SHLD2: variants seen among roughly 807,000 people sequenced by gnomAD.
The protein encoded by SHLD2 is shieldin complex subunit 2.
SHLD2 carries 30 observed loss-of-function variants against 73.2 expected under a neutral mutation model. That is an observed-to-expected ratio of 0.41 (90% confidence interval 0.31 to 0.56). SHLD2 has a LOEUF of 0.56. Ranked by LOEUF, SHLD2 falls within the 20% of genes least tolerant of loss-of-function variation. SHLD2 has a pLI of 0.28. For missense variants in SHLD2, 745 were observed against 1,055.9 expected (o/e 0.71, Z 4.08); for synonymous variants, 285 against 370.1 (o/e 0.77, Z 2.64).
chr10:87,179,837 G>A (rs1848195140), intron 7 of SHLD2, among the ~76,000 whole-genome samples: 2 of 152,268 alleles, frequency 1.3e-5, no homozygotes. Context: ...CCAGAGGATG[G>A]GGAAGGAAGG....
chr10:87,170,813 A>G, intron 5 of SHLD2, 27 bp from the exon 6 acceptor site: 1 of 1,612,502 alleles, frequency 6.2e-7, no homozygotes, highest in Admixed American at 1.7e-5. Flanking sequence ...AGTAATGCCA[A>G]CTAAGGTACT....
intron 2 of SHLD2, among the ~76,000 whole-genome samples, chr10:87,111,712 A>G (rs1460890011): frequency 6.7e-6 from 1 of 150,296 alleles, no homozygotes; most frequent in Non-Finnish European, 1.5e-5. Context: ...TCCTGGGCTC[A>G]AGCAACCTGC....
At chr10:87,182,422 T>A (rs1181767894) in intron 8 of SHLD2, among the ~76,000 whole-genome samples, 1 of 152,204 alleles carries the variant, frequency 6.6e-6, no homozygotes, top group African/African-American at 2.4e-5. Flanking sequence ...GATCATATTT[T>A]ACATTGGTTG....
chr10:87,110,025 T>A (rs978587325), intron 2 of SHLD2, among the ~76,000 whole-genome samples: 1 of 152,186 alleles, frequency 6.6e-6, no homozygotes, highest in Non-Finnish European at 1.5e-5. Context: ...CAGAGCCTCA[T>A]GCCTGTAATC....
intron 9 of SHLD2, among the ~76,000 whole-genome samples, chr10:87,189,375 T>A (rs1002887362): frequency 6.6e-6 from 1 of 152,274 alleles, no homozygotes; most frequent in African/African-American, 2.4e-5. Context: ...CACATATACT[T>A]CAGTGTTTTG....
intron 2 of SHLD2, among the ~76,000 whole-genome samples, chr10:87,115,739 G>C (rs7392886): frequency 0.034 from 5,123 of 152,210 alleles, 226 homozygotes; most frequent in Admixed American, 0.11. Flanking sequence ...TTCTAAGCTA[G>C]TGATAAAAAT....
intron 2 of SHLD2, among the ~76,000 whole-genome samples, chr10:87,126,154 C>A (rs895563092): frequency 3.3e-4 from 51 of 152,314 alleles, no homozygotes; most frequent in African/African-American, 1.1e-3. Context: ...TCATGGCTCA[C>A]TGCAGCCTTG....
Position 87,170,755 on chromosome 10 carries a change from A to G in SHLD2, c.1828+83A>G, listed in dbSNP as rs529741326. ...CATCTTAGTGTACCATTTGGTTATC[A>G]CTATATATGTATCATCAGCTATTAA... is the stretch of plus-strand genomic sequence containing the variant. On this transcript the variant is annotated intron_variant, in intron 5 of 9. Transcript: ENST00000298786. The G allele has an allele frequency of 3.9e-6, 6 of 1,550,134 alleles. No individual in the cohort carries two copies. In the East Asian group the frequency reaches 6.7e-5, roughly 17 times the overall value.
intron 8 of SHLD2, among the ~76,000 whole-genome samples, chr10:87,184,937 C>G (rs1225250137): frequency 1.3e-5 from 2 of 152,096 alleles, no homozygotes; most frequent in Non-Finnish European, 2.9e-5. Flanking sequence ...AATTCATATA[C>G]CATCAAATTA....
At chr10:87,108,419 C>G (rs1346367522) in intron 2 of SHLD2, among the ~76,000 whole-genome samples, 1 of 152,106 alleles carries the variant, frequency 6.6e-6, no homozygotes, top group East Asian at 1.9e-4. Flanking sequence ...CCCCTAACCT[C>G]AAGTGATCCA....
intron 8 of SHLD2, among the ~76,000 whole-genome samples, chr10:87,185,857 T>A: frequency 6.6e-6 from 1 of 152,190 alleles, no homozygotes; most frequent in Non-Finnish European, 1.5e-5. Flanking sequence ...GGCACCACTG[T>A]TGAAAAGCTT....
At chr10:87,168,529 G>A (rs1479444151) in intron 4 of SHLD2, among the ~76,000 whole-genome samples, 8 of 150,684 alleles carry the variant, frequency 5.3e-5, no homozygotes, top group Non-Finnish European at 8.9e-5. Context: ...AGCCCAGGAG[G>A]TGGAGTTTAC....
intron 2 of SHLD2, among the ~76,000 whole-genome samples, chr10:87,141,076 T>G (rs1845158523): frequency 6.6e-6 from 1 of 151,190 alleles, no homozygotes; most frequent in Admixed American, 6.6e-5. Flanking sequence ...GCCCAGAAAT[T>G]GGAGACAAGC....
At chr10:87,130,946 G>T (rs1298660230) in intron 2 of SHLD2, among the ~76,000 whole-genome samples, 1 of 151,988 alleles carries the variant, frequency 6.6e-6, no homozygotes, top group African/African-American at 2.4e-5. Context: ...GCACGCCTGT[G>T]GTCCCAGCTA....
At chr10:87,179,994 A>G (rs1848202365) in intron 7 of SHLD2, 81 bp from the exon 8 acceptor site, 1 of 910,378 alleles carries the variant, frequency 1.1e-6, no homozygotes, top group African/African-American at 1.7e-5. Context: ...CTGTAAATCA[A>G]CTATAAAATT....
At chr10:87,190,334 C>CAG (rs1301156719) in intron 9 of SHLD2, 150 bp from the exon 10 acceptor site, 1 of 714,626 alleles carries the variant, frequency 1.4e-6, no homozygotes, top group Admixed American at 2.3e-5. Flanking sequence ...GCTGGGATTA[C>CAG]AGGTGTGAGC....
chr10:87,176,745 G>C lies in SHLD2; in HGVS notation c.2170+650G>C, dbSNP rs977762850. Among the ~76,000 whole-genome samples, 4 of 152,184 alleles carry C rather than the reference G, an allele frequency of 2.6e-5. No homozygotes were observed. In the East Asian group the frequency reaches 7.7e-4, roughly 29 times the overall value. ...TTTTCCAATATATGATTGAAGGTTA[G>C]CATTGTTATATCATAAAACTATGCT... On this transcript the variant is annotated intron_variant, in intron 7 of 9. Coordinates refer to ENST00000298786, the MANE Select transcript of SHLD2 (RefSeq NM_001330112.2).
At chr10:87,117,896 C>T (rs1031012057) in intron 2 of SHLD2, among the ~76,000 whole-genome samples, 8 of 152,260 alleles carry the variant, frequency 5.3e-5, no homozygotes, top group South Asian at 4.1e-4. Context: ...CCAGTTTTCT[C>T]GAGGGATATT....
Position 87,151,943 on chromosome 10 carries a change from G to C in SHLD2, c.589G>C (p.Glu197Gln). ...INIGPEVVQRECVPTEYHEIQ... is the reference protein window; with the variant it reads ...INIGPEVVQRQCVPTEYHEIQ... The stretch of plus-strand genomic sequence containing the variant: ...TATAGGGCCTGAAGTGGTACAAAGA[G>C]AGTGTGTGCCAACAGAATATCATGA... The change falls in exon 3 of 10, where the codon GAG becomes CAG. Residue 197 changes from glutamate (E) to glutamine (Q), a missense_variant. Glu to Gln is a conservative substitution (Grantham distance 29, BLOSUM62 2). Around this residue, in one of 5 missense-constraint regions of SHLD2, gnomAD observed 280 missense variants for 353.9 expected, o/e 0.79. Coordinates refer to ENST00000298786, the MANE Select transcript of SHLD2 (RefSeq NM_001330112.2). The C allele has an allele frequency of 6.2e-7, 1 of 1,611,328 alleles. No homozygotes were observed. The highest frequency in any genetic ancestry group is 8.5e-7 in the Non-Finnish European group (1 of 1,179,282).
Sources: gnomAD v4.1 joint callset for allele counts (sites outside exome capture counted in the v4.1 genomes callset) on GRCh38, gnomAD v4.1.1 for gene constraint, gnomAD v4.1.1 regional missense constraint, MANE v1.5 for transcripts, NCBI Gene and HGNC (gene_info 2026-07-23, HGNC 2026-07-21) for gene names.